TSPAN4: variants seen among roughly 807,000 people sequenced by gnomAD.
The protein encoded by TSPAN4 is tetraspanin 4.
A neutral mutation model predicts 31.5 loss-of-function variants in TSPAN4; 38 were observed. That is an observed-to-expected ratio of 1.21 (90% CI 0.93 to 1.58). TSPAN4 has a LOEUF of 1.58. TSPAN4 is among the 40% of genes most tolerant of loss of function. The pLI, the probability that TSPAN4 is intolerant of heterozygous loss-of-function variation, is 0.00. For synonymous variants in TSPAN4, 186 were observed against 144.6 expected, an observed-to-expected ratio of 1.29 and a Z score of -2.06; for missense variants, 330 against 317.3, an observed-to-expected ratio of 1.04 and a Z score of -0.30.
intron 4 of TSPAN4, chr11:863,855 G>C (rs889096296): frequency 6.5e-6 from 1 of 154,548 alleles, no homozygotes; most frequent in Non-Finnish European, 1.4e-5. Context: ...CTGGGGTCAG[G>C]CTGAGCTTTG....
In TSPAN4 at chr11:848,678, C is replaced by A. The variant is rs1427568455; in HGVS notation, c.-18+1378C>A. 1.2e-5 allele frequency: 6 copies of A among 501,908 alleles called. No individual in the cohort carries two copies. Among genetic ancestry groups the A allele is most frequent in the Non-Finnish European group, 2.1e-5 (6 of 282,560 alleles). 31.1% of individuals were successfully genotyped at this position (501,908 alleles called of 1,614,324 possible). A position where few individuals can be genotyped will look rare whatever the true frequency, so the allele number is the denominator to read the frequency against. ...CCCTTCCCCTCCCTTAGCTTCCTCT[C>A]CCTCCTCTTCCTCCTGCCCTTCCTC... On this transcript the variant is annotated intron_variant, in intron 2 of 8. Transcript: ENST00000397397. This position sits in a 1 kb window ranked among gnomAD's most constrained non-coding sequence, Gnocchi z 5.7.
intron 3 of TSPAN4, among the ~76,000 whole-genome samples, chr11:852,428 TCAC>T (rs1847806045): frequency 6.6e-6 from 1 of 152,166 alleles, no homozygotes; most frequent in Admixed American, 6.5e-5. Flanking sequence ...TATTAATCAA[TCAC>T]CACCTTCCCG....
At position 865,384 on chromosome 11, in the gene TSPAN4, G is replaced by A. The variant is rs558759986; in HGVS notation, c.331-129G>A. On this transcript the variant is annotated intron_variant, in intron 5 of 8. Coordinates refer to ENST00000397397, the MANE Select transcript of TSPAN4 (RefSeq NM_003271.5). ...GGGGCCGGTGTGTCTGCAGCTTGGT[G>A]GGCTAGGAGGCGCGGGGGACACAAG... The A allele has an allele frequency of 1.3e-4, 90 of 694,620 alleles. 2 individuals carry two copies. Among genetic ancestry groups the A allele is most frequent in the South Asian group, 1.2e-3 (67 of 55,242 alleles). 43.0% of individuals were successfully genotyped at this position (694,620 alleles called of 1,614,324 possible).
chr11:849,290 C>T (rs1443848139), intron 2 of TSPAN4, among the ~76,000 whole-genome samples: 2 of 152,164 alleles, frequency 1.3e-5, no homozygotes, highest in African/African-American at 4.8e-5. Context: ...TAGTCAAAGA[C>T]TCAACGACAC....
At chr11:865,313 A>C in intron 5 of TSPAN4, 200 bp from the exon 6 acceptor site, 4 of 575,366 alleles carry the variant, frequency 7.0e-6, no homozygotes, top group Non-Finnish European at 9.4e-6. Context: ...CTGGGGAGGA[A>C]GCCCAGAGGT....
chr11:847,403 G>T (rs1847377802), intron 2 of TSPAN4, 103 bp downstream of exon 2: 2 of 152,168 alleles, frequency 1.3e-5, no homozygotes, highest in Non-Finnish European at 2.9e-5. Flanking sequence ...CGGACACTTT[G>T]ACACCACACC....
At chr11:866,048 C>G in intron 8 of TSPAN4, 47 bp downstream of exon 8, 1 of 1,583,238 alleles carries the variant, frequency 6.3e-7, no homozygotes, top group South Asian at 1.1e-5. Context: ...TTTGTTAGGA[C>G]CTTCTGAGCC....
In TSPAN4 at chr11:848,678, C is replaced by T. The variant is rs1427568455; in HGVS notation, c.-18+1378C>T. ...CCCTTCCCCTCCCTTAGCTTCCTCT[C>T]CCTCCTCTTCCTCCTGCCCTTCCTC... On this transcript the variant is annotated intron_variant, in intron 2 of 8. Transcript: ENST00000397397. This position sits in a 1 kb window ranked among gnomAD's most constrained non-coding sequence, Gnocchi z 5.7. 6.0e-6 allele frequency: 3 copies of T among 501,908 alleles called. No homozygotes were observed. Among genetic ancestry groups the T allele is most frequent in the African/African-American group, 2.0e-5 (1 of 50,854 alleles). The allele number at this position is 501,908 out of a possible 1,614,324, so 31.1% of individuals were successfully genotyped here. A position where few individuals can be genotyped will look rare whatever the true frequency, so the allele number is the denominator to read the frequency against.
At chr11:864,349 T>G in intron 4 of TSPAN4, 88 bp from the exon 5 acceptor site, 461 of 1,508,476 alleles carry the variant, frequency 3.1e-4, no homozygotes, top group Middle Eastern at 5.6e-4. Context: ...CAGGTATCCA[T>G]GAGGTACGTG....
At chr11:850,801 C>G (rs1419192101) in intron 3 of TSPAN4, among the ~76,000 whole-genome samples, 1 of 152,226 alleles carries the variant, frequency 6.6e-6, no homozygotes, top group Admixed American at 6.5e-5. Flanking sequence ...TTATCCTTGC[C>G]TCGGCCCCGC....
intron 3 of TSPAN4, among the ~76,000 whole-genome samples, chr11:851,483 C>T (rs1434885825): frequency 2.0e-5 from 3 of 152,208 alleles, no homozygotes; most frequent in Non-Finnish European, 2.9e-5. Context: ...CCTCCTGAGC[C>T]CAGGCTCCTT....
At chr11:854,978 C>T (rs939512033) in intron 3 of TSPAN4, among the ~76,000 whole-genome samples, 5 of 152,246 alleles carry the variant, frequency 3.3e-5, no homozygotes, top group African/African-American at 1.2e-4. Context: ...CTGGCAACCA[C>T]AGCGTGTCTG....
chr11:865,091 T>C (rs1848696205), intron 5 of TSPAN4: 1 of 190,424 alleles, frequency 5.3e-6, no homozygotes. Flanking sequence ...CCAGGCTCCT[T>C]CATTCCCTGC....
chr11:850,129 G>A, intron 2 of TSPAN4, 159 bp from the exon 3 acceptor site: 1 of 534,532 alleles, frequency 1.9e-6, no homozygotes, highest in Non-Finnish European at 3.2e-6. Flanking sequence ...CGGCGCTACA[G>A]CAGCCTATAC....
chr11:853,342 C>T (rs1005897188), intron 3 of TSPAN4, among the ~76,000 whole-genome samples: 9 of 152,190 alleles, frequency 5.9e-5, no homozygotes, highest in Non-Finnish European at 1.2e-4. Context: ...CTCCTGGCTT[C>T]CAAGGTCTCT....
Position 848,696 on chromosome 11 carries a change from C to T in TSPAN4, c.-18+1396C>T, listed in dbSNP as rs1476330540. ...TTCCTCTCCCTCCTCTTCCTCCTGC[C>T]CTTCCTCATTCCCCACCTCTGGGCT... is the stretch of plus-strand genomic sequence containing the variant. On this transcript the variant is annotated intron_variant, in intron 2 of 8. Transcript: ENST00000397397. This position sits in a 1 kb window ranked among gnomAD's most constrained non-coding sequence, Gnocchi z 5.7. 1.9e-6 allele frequency: 1 copy of T among 513,750 alleles called. No individual in the cohort carries two copies. The highest frequency in any genetic ancestry group is 3.2e-5 in the East Asian group (1 of 31,124). 31.8% of individuals were successfully genotyped at this position (513,750 alleles called of 1,614,324 possible).
intron 3 of TSPAN4, among the ~76,000 whole-genome samples, chr11:852,866 C>T (rs182952037): frequency 4.0e-5 from 6 of 150,046 alleles, no homozygotes; most frequent in Non-Finnish European, 8.9e-5. Flanking sequence ...GTCCCCCCGG[C>T]GGGACCTCAA....
At chr11:864,309 G>C in intron 4 of TSPAN4, 128 bp from the exon 5 acceptor site, 1 of 1,161,718 alleles carries the variant, frequency 8.6e-7, no homozygotes, top group Non-Finnish European at 1.3e-6. Flanking sequence ...CTCTGGGAGT[G>C]GGGGCCTGGC....
At chr11:849,913 C>T (rs1442109523) in intron 2 of TSPAN4, 1 of 149,004 alleles carries the variant, frequency 6.7e-6, no homozygotes, top group Non-Finnish European at 1.5e-5. Flanking sequence ...GCTGCCACCG[C>T]GGGGGCCAGA....
Sources: allele counts gnomAD v4.1 joint callset (sites outside exome capture counted in the v4.1 genomes callset), GRCh38; gene constraint gnomAD v4.1.1; non-coding constraint Gnocchi (gnomAD v3.1); transcripts MANE v1.5; gene names NCBI Gene and HGNC (gene_info 2026-07-23, HGNC 2026-07-21).